The following EML5 variants were observed in gnomAD, a reference collection of about 807,000 sequenced individuals.
EML5 encodes EMAP like 5, also known as echinoderm microtubule-associated protein-like 5.
Under a neutral mutation model 250.0 loss-of-function variants are expected in EML5, and 120 were observed. The observed-to-expected ratio is 0.48, with a 90% CI of 0.41 to 0.56. The LOEUF (loss-of-function observed/expected upper bound fraction) is 0.56. EML5 is among the 20% of genes least tolerant of loss of function. The pLI is 0.00. For missense variants in EML5, 2,006 were observed against 2,437.6 expected (o/e 0.82, Z 3.73); for synonymous variants, 771 against 806.5 (o/e 0.96, Z 0.75).
Position 88,738,859 on chromosome 14 carries a change from G to C in EML5, c.847+20C>G. On this transcript the variant is annotated intron_variant, in intron 6 of 43. Transcript: ENST00000554922. The stretch of plus-strand genomic sequence containing the variant: ...AAGTTTAGAGTTTGCCTAGTAATAA[G>C]ACATTTGTTTTGTTATTACCTTTGT... 1 of 1,549,794 alleles carries C rather than the reference G, an allele frequency of 6.5e-7. No homozygotes were observed. The highest frequency in any genetic ancestry group is 8.7e-7 in the Non-Finnish European group (1 of 1,147,322).
chr14:88,695,382 C>G lies in EML5; in HGVS notation c.2417G>C (p.Gly806Ala). The change falls in exon 16 of 44, where the codon GGA (glycine) becomes GCA (alanine). Residue 806 changes from glycine to alanine, a missense_variant. Transcript: ENST00000554922. Reference protein sequence around the residue: ...HTVVLWDWKKGEKLSIARGSK... With the variant: ...HTVVLWDWKKAEKLSIARGSK... ...CTACCTTGCTATTGAAAGTTTCTCT[C>G]CTTTCTTCCAGTCCCAGAGCACAAC... The G allele has an allele frequency of 1.2e-6, 2 of 1,611,740 alleles. No homozygotes were observed. The highest frequency in any genetic ancestry group is 2.2e-5 in the South Asian group (2 of 90,304).
At chr14:88,650,397 T>C (rs2091563769) in intron 27 of EML5, among the ~76,000 whole-genome samples, 1 of 152,156 alleles carries the variant, frequency 6.6e-6, no homozygotes, top group Non-Finnish European at 1.5e-5. Context: ...GAGGTTGTAG[T>C]GAGCCAAAAT....
intron 20 of EML5, 31 bp downstream of exon 20, chr14:88,684,984 G>GAA: frequency 8.0e-6 from 12 of 1,502,626 alleles, no homozygotes; most frequent in East Asian, 4.8e-5. Flanking sequence ...TGTATGTAAA[G>GAA]AAAAAAAAAC....
chr14:88,618,621 C>A, intron 40 of EML5, 29 bp downstream of exon 40: 1 of 1,582,920 alleles, frequency 6.3e-7, no homozygotes. Flanking sequence ...AAGAACTTGC[C>A]ACCTGGGTAT....
At chr14:88,717,144 G>T (rs2093509506) in intron 8 of EML5, among the ~76,000 whole-genome samples, 1 of 152,158 alleles carries the variant, frequency 6.6e-6, no homozygotes, top group African/African-American at 2.4e-5. Flanking sequence ...GGAGTAGATA[G>T]CTATGATGTC....
chr14:88,643,080 G>A, intron 30 of EML5, 58 bp from the exon 31 acceptor site: 2 of 1,484,472 alleles, frequency 1.3e-6, no homozygotes, highest in Non-Finnish European at 1.8e-6. Flanking sequence ...GTTCACCACT[G>A]TTTTGTTGTA....
Position 88,792,692 on chromosome 14 carries a change from C to T in EML5, c.-189G>A, listed in dbSNP as rs2140915297. 1 of 1,126,964 alleles carries T rather than the reference C, an allele frequency of 8.9e-7. No homozygotes were observed. The highest frequency in any genetic ancestry group is 1.1e-6 in the Non-Finnish European group (1 of 921,930). 69.8% of individuals were successfully genotyped at this position (1,126,964 alleles called of 1,614,324 possible). A position where few individuals can be genotyped will look rare whatever the true frequency, so the allele number is the denominator to read the frequency against. ...CTCAGCCCACAGGCGGGAGGAAAAC[C>T]CTCGCCTCGCGGAACATGCTGAGGG... On this transcript the variant is annotated 5_prime_UTR_variant, in exon 1 of 44. Coordinates refer to ENST00000554922, the MANE Select transcript of EML5 (RefSeq NM_183387.3). The surrounding 1 kb of genome is among the most constrained non-coding windows in gnomAD (Gnocchi z 6.9).
intron 14 of EML5, among the ~76,000 whole-genome samples, chr14:88,701,514 TGAAA>T (rs2093208717): frequency 1.3e-5 from 2 of 150,792 alleles, no homozygotes; most frequent in Middle Eastern, 3.4e-3. Context: ...TTTGAGTGAA[TGAAA>T]GAAAGGAAGA....
chr14:88,740,362 G>C, intron 5 of EML5, 25 bp downstream of exon 5: 1 of 1,579,798 alleles, frequency 6.3e-7, no homozygotes, highest in Non-Finnish European at 8.6e-7. Flanking sequence ...ACATGAAAGT[G>C]TTTAAAATAC....
chr14:88,667,603 T>C (rs1166447593), intron 21 of EML5, among the ~76,000 whole-genome samples: 1 of 152,160 alleles, frequency 6.6e-6, no homozygotes, highest in East Asian at 1.9e-4. Flanking sequence ...ATCTGCCACT[T>C]TGGGCCTCAC....
intron 8 of EML5, among the ~76,000 whole-genome samples, chr14:88,723,854 G>A (rs750044605): frequency 9.9e-5 from 15 of 152,136 alleles, no homozygotes; most frequent in Non-Finnish European, 1.6e-4. Flanking sequence ...GTTTTAAGAA[G>A]ATATTGTGGC....
intron 21 of EML5, among the ~76,000 whole-genome samples, chr14:88,669,478 G>A (rs2092398538): frequency 6.6e-6 from 1 of 152,182 alleles, no homozygotes; most frequent in African/African-American, 2.4e-5. Flanking sequence ...GGCAGATGGT[G>A]GCCAGACTGC....
chr14:88,613,488 A>G lies in EML5; in HGVS notation c.*2330T>C, dbSNP rs1309950435. 1 of 152,218 alleles carries G rather than the reference A, an allele frequency of 6.6e-6. No homozygotes were observed. The highest frequency in any genetic ancestry group is 1.5e-5 in the Non-Finnish European group (1 of 68,038). 9.4% of individuals were successfully genotyped at this position (152,218 alleles called of 1,614,324 possible). On this transcript the variant is annotated 3_prime_UTR_variant, in exon 44 of 44. Coordinates refer to ENST00000554922, the MANE Select transcript of EML5 (RefSeq NM_183387.3). ...TTTAGTTCAGCCATTTTACAAGGAA[A>G]TAATAAAATACTAAAATCTGATTGT...
chr14:88,724,207 G>A (rs141278731), intron 8 of EML5, among the ~76,000 whole-genome samples: 89 of 151,268 alleles, frequency 5.9e-4, no homozygotes, highest in African/African-American at 2.0e-3. Flanking sequence ...CCTGGGAGGC[G>A]GAGGCTGCAG....
At chr14:88,786,617 G>A (rs1473916976) in intron 1 of EML5, among the ~76,000 whole-genome samples, 1 of 152,150 alleles carries the variant, frequency 6.6e-6, no homozygotes, top group Non-Finnish European at 1.5e-5. Context: ...CATGTGTTGT[G>A]GGAGGGACCC....
chr14:88,636,384 T>A (rs747906089), intron 32 of EML5, among the ~76,000 whole-genome samples: 2 of 152,154 alleles, frequency 1.3e-5, no homozygotes, highest in African/African-American at 4.8e-5. Context: ...AGCAAAAGGC[T>A]GGGCACGGTG....
In EML5 at chr14:88,668,323, T is replaced by C. The variant is rs568055349; in HGVS notation, c.3125-2834A>G. On this transcript the variant is annotated intron_variant, in intron 21 of 43. Coordinates refer to ENST00000554922, the MANE Select transcript of EML5 (RefSeq NM_183387.3). ...CGCTGGAGCAGTCCTAAATGCAGAG[T>C]GCAGGAAGAAGAGATAGCACTAGCA... Among the ~76,000 whole-genome samples the C allele has an allele frequency of 1.1e-4, 17 of 151,462 alleles. No individual in the cohort carries two copies. The East Asian group carries it at 2.9e-3, about 26-fold the overall frequency.
At chr14:88,722,130 T>C (rs1412775199) in intron 8 of EML5, among the ~76,000 whole-genome samples, 1 of 152,026 alleles carries the variant, frequency 6.6e-6, no homozygotes, top group Admixed American at 6.6e-5. Flanking sequence ...GCTGGTGAGG[T>C]TGAAGAGAAA....
chr14:88,652,456 TA>T lies in EML5; in HGVS notation c.4005-2531del, dbSNP rs144582945. ...TCCCTTTCCCCGAATATAAAATCCA[TA>T]GGTGCAAACTCAAATCCCTCTGACG... On this transcript the variant is annotated intron_variant, in intron 27 of 43. Coordinates refer to ENST00000554922, the MANE Select transcript of EML5 (RefSeq NM_183387.3). 4.6e-3 allele frequency among the ~76,000 whole-genome samples: 707 copies of T among 152,270 alleles called. 11 individuals are homozygous for T. The highest frequency in any genetic ancestry group is 0.015 in the African/African-American group (642 of 41,550).
Sources: gnomAD v4.1 joint callset for allele counts (sites outside exome capture counted in the v4.1 genomes callset) on GRCh38, gnomAD v4.1.1 for gene constraint, Gnocchi (gnomAD v3.1) non-coding constraint, MANE v1.5 for transcripts, NCBI Gene and HGNC (gene_info 2026-07-23, HGNC 2026-07-21) for gene names.